CCDC92B: variants seen among roughly 807,000 people sequenced by gnomAD.
The protein encoded by CCDC92B is coiled-coil domain-containing 92B.
Under a neutral mutation model 5.6 loss-of-function variants are expected in CCDC92B, and 2 were observed. The ratio of observed to expected loss-of-function variants is 0.36; its 90% CI spans 0.15 to 1.12. CCDC92B has a LOEUF of 1.12. CCDC92B is among the 50% of genes most tolerant of loss of function. The pLI is 0.40. For synonymous variants in CCDC92B, 115 were observed against 122.3 expected (o/e 0.94, Z 0.39); for missense variants, 271 against 262.2 (o/e 1.03, Z -0.23).
intron 1 of CCDC92B, among the ~76,000 whole-genome samples, chr17:2,737,994 C>A (rs16952353): frequency 0.11 from 16,308 of 152,028 alleles, 984 homozygotes; most frequent in African/African-American, 0.15. Context: ...AGCCAATTCT[C>A]CAACCAAGTC....
chr17:2,735,808 C>G (rs2151741899), intron 1 of CCDC92B, among the ~76,000 whole-genome samples: 1 of 152,270 alleles, frequency 6.6e-6, no homozygotes, highest in South Asian at 2.1e-4. Flanking sequence ...GACAGAGAAC[C>G]TGGGTTCTAG....
At chr17:2,738,841 C>A (rs531617842) in intron 1 of CCDC92B, among the ~76,000 whole-genome samples, 1 of 150,102 alleles carries the variant, frequency 6.7e-6, no homozygotes, top group Non-Finnish European at 1.5e-5. Flanking sequence ...GAGGCTGAGG[C>A]GGGTGGATCA....
At chr17:2,746,757 G>A (rs1385878645) in intron 1 of CCDC92B, among the ~76,000 whole-genome samples, 2 of 152,004 alleles carry the variant, frequency 1.3e-5, no homozygotes, top group African/African-American at 2.4e-5. Flanking sequence ...TGCAACCTCC[G>A]CCTCCTGGGT....
At chr17:2,739,359 C>A (rs2070898437) in intron 1 of CCDC92B, among the ~76,000 whole-genome samples, 1 of 147,954 alleles carries the variant, frequency 6.8e-6, no homozygotes, top group African/African-American at 2.5e-5. Context: ...GAGCGAGACT[C>A]CATCTCAAAA....
In CCDC92B at chr17:2,734,585, GT is replaced by G. The variant is rs577547795; in HGVS notation, c.130+430del. Among the ~76,000 whole-genome samples the G allele has an allele frequency of 4.8e-3, 727 of 151,592 alleles. 4 individuals are homozygous for G. Among genetic ancestry groups the G allele is most frequent in the African/African-American group, 0.016 (679 of 41,276 alleles). ...GCTCACTGCAACCTCCACCTCCTGG[GT>G]TCAAGCGATTCCTCTGCCTCAGCCT... is the stretch of plus-strand genomic sequence containing the variant. On this transcript the variant is annotated intron_variant, in intron 2 of 3. Transcript: ENST00000614400.
chr17:2,726,773 C>G (rs11656485), intron 3 of CCDC92B, among the ~76,000 whole-genome samples: 94,041 of 151,746 alleles, frequency 0.62, 34,521 homozygotes, highest in Non-Finnish European at 0.8. Flanking sequence ...GCTACCACAC[C>G]CAGCTAATTT....
intron 1 of CCDC92B, among the ~76,000 whole-genome samples, chr17:2,741,138 C>T (rs1238282700): frequency 6.6e-6 from 1 of 152,006 alleles, no homozygotes; most frequent in African/African-American, 2.4e-5. Flanking sequence ...AAGGGAAGAG[C>T]ACCTCCAACA....
intron 2 of CCDC92B, among the ~76,000 whole-genome samples, chr17:2,734,535 G>T (rs1008217003): frequency 6.6e-6 from 1 of 150,670 alleles, no homozygotes; most frequent in African/African-American, 2.4e-5. Context: ...TGTCATCTAG[G>T]CTGGAGTGCA....
chr17:2,749,366 G>C (rs2071027752), intron 1 of CCDC92B, 45 bp downstream of exon 1: 1 of 151,876 alleles, frequency 6.6e-6, no homozygotes, highest in African/African-American at 2.4e-5. Context: ...CCCTGGGGCC[G>C]CTCCGGCGCC....
At chr17:2,732,442 C>T (rs1475546173) in intron 2 of CCDC92B, among the ~76,000 whole-genome samples, 5 of 152,184 alleles carry the variant, frequency 3.3e-5, no homozygotes, top group Non-Finnish European at 7.3e-5. Flanking sequence ...GGTGGCTGGG[C>T]GTGGTAGCTC....
chr17:2,745,804 C>A (rs1038052697), intron 1 of CCDC92B, among the ~76,000 whole-genome samples: 1 of 152,166 alleles, frequency 6.6e-6, no homozygotes, highest in Non-Finnish European at 1.5e-5. Context: ...TCTTTCCCCC[C>A]GACACAGCAC....
At position 2,724,664 on chromosome 17, in the gene CCDC92B, C is replaced by T. The variant is rs2070702829; in HGVS notation, c.515G>A (p.Arg172Gln). Reference protein sequence around the residue: ...AEPRPRRRALRARRPPAAHEA... With the variant: ...AEPRPRRRALQARRPPAAHEA... ...GTGGGCAGCAGGCGGGCGGCGGGCT[C>T]GCAGTGCGCGGCGGCGTGGCCTGGG... The change falls in exon 4 of 4, where the codon CGA (arginine) becomes CAA (glutamine). Residue 172 changes from arginine to glutamine, a missense_variant. By Grantham distance (43) the Arg-to-Gln change is conservative. Coordinates refer to ENST00000614400, the MANE Select transcript of CCDC92B (RefSeq NM_001355573.2). This position sits in a 1 kb window ranked among gnomAD's most constrained non-coding sequence, Gnocchi z 5.0. 3 of 981,302 alleles carry T rather than the reference C, an allele frequency of 3.1e-6. No individual in the cohort carries two copies. Among genetic ancestry groups the T allele is most frequent in the Non-Finnish European group, 3.6e-6 (3 of 828,146 alleles). The allele number at this position is 981,302 out of a possible 1,614,324, so 60.8% of individuals were successfully genotyped here. A position where few individuals can be genotyped will look rare whatever the true frequency, so the allele number is the denominator to read the frequency against.
In CCDC92B at chr17:2,724,201, C is replaced by G. The variant is rs898407527; in HGVS notation, c.*210G>C. 2.0e-5 allele frequency: 20 copies of G among 985,412 alleles called. No individual in the cohort carries two copies. Among genetic ancestry groups the G allele is most frequent in the Non-Finnish European group, 2.3e-5 (19 of 829,912 alleles). The allele number at this position is 985,412 out of a possible 1,614,324, so 61.0% of individuals were successfully genotyped here. ...CCCCGCTCGGCCCCGCGGAGGAACT[C>G]TCGCGCGAGGAGAGGGCTCGAAGCT... On this transcript the variant is annotated 3_prime_UTR_variant, in exon 4 of 4. Coordinates refer to ENST00000614400, the MANE Select transcript of CCDC92B (RefSeq NM_001355573.2). This position sits in a 1 kb window ranked among gnomAD's most constrained non-coding sequence, Gnocchi z 5.0.
chr17:2,741,656 G>A (rs1344150094), intron 1 of CCDC92B, among the ~76,000 whole-genome samples: 2 of 141,500 alleles, frequency 1.4e-5, no homozygotes, highest in Non-Finnish European at 3.1e-5. Context: ...GCAGTGGTGT[G>A]ATCTCGGCTC....
intron 3 of CCDC92B, among the ~76,000 whole-genome samples, chr17:2,729,173 T>G (rs56409331): frequency 2.6e-5 from 4 of 152,116 alleles, no homozygotes; most frequent in East Asian, 3.9e-4. Flanking sequence ...CACCTGGCCT[T>G]GTGATTCATT....
rs558176348 is a variant in CCDC92B, at chr17:2,746,293, T to C, written c.-24+3118A>G. ...CACCGCGCCCAGCCTTTCCTGTTAATTTTCTAGCTTGATGAAAAAATATTC... is the reference window on the plus strand; with the variant it reads ...CACCGCGCCCAGCCTTTCCTGTTAACTTTCTAGCTTGATGAAAAAATATTC... On this transcript the variant is annotated intron_variant, in intron 1 of 3. Coordinates refer to ENST00000614400, the MANE Select transcript of CCDC92B (RefSeq NM_001355573.2). Among the ~76,000 whole-genome samples the C allele has an allele frequency of 5.3e-5, 8 of 152,258 alleles. No individual in the cohort carries two copies. In the East Asian group the frequency reaches 1.5e-3, roughly 29 times the overall value.
chr17:2,726,525 C>T (rs1207744123), intron 3 of CCDC92B, among the ~76,000 whole-genome samples: 1 of 151,804 alleles, frequency 6.6e-6, no homozygotes, highest in Non-Finnish European at 1.5e-5. Flanking sequence ...CCATGTTGGC[C>T]AGAATGGTCT....
At chr17:2,733,744 CTTTTTTTTTT>C (rs386385447) in intron 2 of CCDC92B, among the ~76,000 whole-genome samples, 73 of 49,330 alleles carry the variant, frequency 1.5e-3, no homozygotes, top group East Asian at 3.6e-3. Flanking sequence ...GGACCACTGG[CTTTTTTTTTT>C]TTTTTTTTTT....
intron 3 of CCDC92B, among the ~76,000 whole-genome samples, chr17:2,725,476 C>A (rs2070717979): frequency 6.6e-6 from 1 of 151,774 alleles, no homozygotes; most frequent in Non-Finnish European, 1.5e-5. Flanking sequence ...CCCCACGCGT[C>A]GGCTCAGTGG....
Sources: allele counts gnomAD v4.1 joint callset (sites outside exome capture counted in the v4.1 genomes callset), GRCh38; gene constraint gnomAD v4.1.1; non-coding constraint Gnocchi (gnomAD v3.1); transcripts MANE v1.5; gene names NCBI Gene and HGNC (gene_info 2026-07-23, HGNC 2026-07-21).